PIN1: variants seen among roughly 807,000 people sequenced by gnomAD.
The protein encoded by PIN1 is peptidylprolyl cis/trans isomerase, NIMA-interacting 1, also known as peptidyl-prolyl cis-trans isomerase NIMA-interacting 1.
A neutral mutation model predicts 19.9 loss-of-function variants in PIN1; 8 were observed. The observed-to-expected ratio is 0.40, with a 90% CI of 0.24 to 0.72. The LOEUF is 0.72. Ranked by LOEUF, PIN1 falls within the 30% of genes least tolerant of loss-of-function variation. PIN1 has a pLI of 0.37. For synonymous variants in PIN1, 86 were observed against 90.8 expected (o/e 0.95, Z 0.30); for missense variants, 185 against 226.5 (o/e 0.82, Z 1.18).
intron 2 of PIN1, among the ~76,000 whole-genome samples, chr19:9,839,501 T>C (rs2046143793): frequency 6.6e-6 from 1 of 152,072 alleles, no homozygotes; most frequent in African/African-American, 2.4e-5. Context: ...CCCTGCTCTG[T>C]TCTGTGTTTC....
At chr19:9,841,985 G>A (rs34472780) in intron 2 of PIN1, among the ~76,000 whole-genome samples, 2,063 of 152,298 alleles carry the variant, frequency 0.014, 40 homozygotes, top group African/African-American at 0.047. Flanking sequence ...GCATGGGTCT[G>A]GGTGTGGTGG....
Position 9,838,177 on chromosome 19 carries a change from T to G in PIN1, c.59-259T>G, listed in dbSNP as rs960964683. 3.6e-6 allele frequency: 2 copies of G among 550,700 alleles called. No homozygotes were observed. The highest frequency in any genetic ancestry group is 3.8e-5 in the African/African-American group (2 of 52,854). 34.1% of individuals were successfully genotyped at this position (550,700 alleles called of 1,614,324 possible). On this transcript the variant is annotated intron_variant, in intron 1 of 3. Coordinates refer to ENST00000247970, the MANE Select transcript of PIN1 (RefSeq NM_006221.4). The surrounding 1 kb of genome is among the most constrained non-coding windows in gnomAD (Gnocchi z 5.8). ...TTTCCTCCTTGAAGTTATCAGGGAT[T>G]GATACTATCCTGTGTTTCATTTGCT...
intron 2 of PIN1, among the ~76,000 whole-genome samples, chr19:9,844,211 C>T (rs369953974): frequency 2.0e-5 from 3 of 151,694 alleles, no homozygotes; most frequent in Non-Finnish European, 4.4e-5. Flanking sequence ...GAGTCCATAA[C>T]GGATGGGCAG....
intron 2 of PIN1, among the ~76,000 whole-genome samples, chr19:9,839,255 G>A (rs547458006): frequency 6.6e-6 from 1 of 152,126 alleles, no homozygotes; most frequent in Middle Eastern, 3.4e-3. Flanking sequence ...GCAGTATGGT[G>A]AAACTCCATC....
rs556927524 is a variant in PIN1, at chr19:9,838,039, A to G, written c.59-397A>G. On this transcript the variant is annotated intron_variant, in intron 1 of 3. Coordinates refer to ENST00000247970, the MANE Select transcript of PIN1 (RefSeq NM_006221.4). The surrounding 1 kb of genome is among the most constrained non-coding windows in gnomAD (Gnocchi z 5.8). The stretch of plus-strand genomic sequence containing the variant: ...GAGAACACCAAGGCCCAGGGAAGAT[A>G]TATCACATTTGAACCCAGATTCAGA... 3.4e-5 allele frequency: 11 copies of G among 319,198 alleles called. No homozygotes were observed. The East Asian group carries it at 7.1e-4, about 21-fold the overall frequency. The allele number at this position is 319,198 out of a possible 1,614,324, so 19.8% of individuals were successfully genotyped here. A position where few individuals can be genotyped will look rare whatever the true frequency, so the allele number is the denominator to read the frequency against.
chr19:9,847,988 C>A, intron 2 of PIN1, 42 bp from the exon 3 acceptor site: 1 of 1,305,952 alleles, frequency 7.7e-7, no homozygotes, highest in Non-Finnish European at 1.1e-6. Context: ...AGGCCCCCCC[C>A]AACCCCTGAC....
At chr19:9,839,730 T>C (rs1248047434) in intron 2 of PIN1, among the ~76,000 whole-genome samples, 1 of 152,226 alleles carries the variant, frequency 6.6e-6, no homozygotes, top group African/African-American at 2.4e-5. Flanking sequence ...TGCAGAGCCC[T>C]GTCTAAAGCT....
chr19:9,847,684 TCA>T (rs1416883251), intron 2 of PIN1, among the ~76,000 whole-genome samples: 1 of 136,024 alleles, frequency 7.4e-6, no homozygotes, highest in Non-Finnish European at 1.7e-5. Context: ...AGATTTTCCC[TCA>T]CGTGTGTGTG....
rs2145405650 is a variant in PIN1 at position 9,835,338 on chromosome 19, A to G, written c.-7A>G. On this transcript the variant is annotated 5_prime_UTR_variant, in exon 1 of 4. Coordinates refer to ENST00000247970, the MANE Select transcript of PIN1 (RefSeq NM_006221.4). Reference sequence around the variant, plus strand: ...GAGGCGGAGCAGGCGCTGCGGCAGGAGGGAAGATGGCGGACGAGGAGAAGC... The same window carrying G: ...GAGGCGGAGCAGGCGCTGCGGCAGGGGGGAAGATGGCGGACGAGGAGAAGC... 6.6e-7 allele frequency: 1 copy of G among 1,522,176 alleles called. No individual in the cohort carries two copies. The highest frequency in any genetic ancestry group is 1.2e-5 in the South Asian group (1 of 82,714). The allele number at this position is 1,522,176 out of a possible 1,614,324, so 94.3% of individuals were successfully genotyped here.
At chr19:9,835,926 A>G (rs1336564311) in intron 1 of PIN1, 2 of 154,176 alleles carry the variant, frequency 1.3e-5, no homozygotes, top group Non-Finnish European at 2.9e-5. Flanking sequence ...GTTAGCCACA[A>G]TGATAATATT....
At chr19:9,848,959 G>A (rs3745577) in intron 3 of PIN1, 131 bp from the exon 4 acceptor site, 14,122 of 648,926 alleles carry the variant, frequency 0.022, 330 homozygotes, top group South Asian at 0.065. Context: ...ACATGGTGAC[G>A]GATGAGTGTG....
At chr19:9,847,858 A>C (rs1423417718) in intron 2 of PIN1, among the ~76,000 whole-genome samples, 172 bp from the exon 3 acceptor site, 1 of 152,054 alleles carries the variant, frequency 6.6e-6, no homozygotes, top group Admixed American at 6.6e-5. Context: ...GTGACTGCGC[A>C]TGCAGGTATG....
At chr19:9,847,388 G>T (rs1042857204) in intron 2 of PIN1, among the ~76,000 whole-genome samples, 1 of 152,174 alleles carries the variant, frequency 6.6e-6, no homozygotes, top group Non-Finnish European at 1.5e-5. Flanking sequence ...CATGCAGACT[G>T]TAGGTGGGGA....
At chr19:9,837,945 T>G in intron 1 of PIN1, 1 of 193,214 alleles carries the variant, frequency 5.2e-6, no homozygotes, top group Non-Finnish European at 1.1e-5. Flanking sequence ...CTTTTAAAAA[T>G]GTTTAAAAAT....
Position 9,849,294 on chromosome 19 carries a change from C to A in PIN1, c.*95C>A. 2 of 794,268 alleles carry A rather than the reference C, an allele frequency of 2.5e-6. No individual in the cohort carries two copies. The highest frequency in any genetic ancestry group is 4.3e-6 in the Non-Finnish European group (2 of 461,604). 49.2% of individuals were successfully genotyped at this position (794,268 alleles called of 1,614,324 possible). A position where few individuals can be genotyped will look rare whatever the true frequency, so the allele number is the denominator to read the frequency against. ...CCAGCCAGTGGCCGAACCCCCCACT[C>A]CCTGCCACCGTCACACAGTATTTAT... On this transcript the variant is annotated 3_prime_UTR_variant, in exon 4 of 4. Coordinates refer to ENST00000247970, the MANE Select transcript of PIN1 (RefSeq NM_006221.4).
At chr19:9,839,364 C>T (rs1369620003) in intron 2 of PIN1, among the ~76,000 whole-genome samples, 2 of 148,678 alleles carry the variant, frequency 1.3e-5, no homozygotes, top group Non-Finnish European at 3.0e-5. Flanking sequence ...TGCAGTGAGC[C>T]GAGATCGCAC....
rs983220315 is a variant in PIN1, at chr19:9,835,322, C to T, written c.-23C>T. 6.6e-7 allele frequency: 1 copy of T among 1,523,390 alleles called. No individual in the cohort carries two copies. 94.4% of individuals were successfully genotyped at this position (1,523,390 alleles called of 1,614,324 possible). On this transcript the variant is annotated 5_prime_UTR_variant, in exon 1 of 4. Transcript: ENST00000247970. Reference sequence around the variant, plus strand: ...GACAGGCGGCGCAGCTGAGGCGGAGCAGGCGCTGCGGCAGGAGGGAAGATG... The same window carrying T: ...GACAGGCGGCGCAGCTGAGGCGGAGTAGGCGCTGCGGCAGGAGGGAAGATG...
chr19:9,836,408 GAGTC>G (rs2046105968), intron 1 of PIN1: 3 of 175,192 alleles, frequency 1.7e-5, no homozygotes, highest in Admixed American at 5.7e-5. Context: ...GTTTTAGAGT[GAGTC>G]AGTAGCTCAG....
intron 3 of PIN1, 123 bp downstream of exon 3, chr19:9,848,263 A>G (rs2046241933): frequency 4.5e-6 from 3 of 673,388 alleles, no homozygotes; most frequent in Non-Finnish European, 8.1e-6. Context: ...AGCAGGTGGC[A>G]GCACAGCCCC....
Sources: allele counts gnomAD v4.1 joint callset (sites outside exome capture counted in the v4.1 genomes callset), GRCh38; gene constraint gnomAD v4.1.1; non-coding constraint Gnocchi (gnomAD v3.1); transcripts MANE v1.5; gene names NCBI Gene and HGNC (gene_info 2026-07-23, HGNC 2026-07-21).